Variants in BPIFC observed in about 807,000 individuals in gnomAD.
The protein encoded by BPIFC is BPI fold-containing family C protein.
A neutral mutation model predicts 57.6 loss-of-function variants in BPIFC; 60 were observed. The observed-to-expected ratio is 1.04, with a 90% CI of 0.85 to 1.29. The LOEUF (loss-of-function observed/expected upper bound fraction) is 1.29, where lower values mean the gene tolerates loss of function less well. Ranked by LOEUF, BPIFC falls within the 50% of genes most tolerant of loss-of-function variation. The pLI is 0.00. For missense variants in BPIFC, 581 were observed against 600.5 expected (o/e 0.97, Z 0.34); for synonymous variants, 243 against 224.5 (o/e 1.08, Z -0.74).
In BPIFC at chr22:32,437,986, T is replaced by C. The variant is rs377605532; in HGVS notation, c.656-135A>G. ...ATCAATTCCTGCTTTTCAGAAGTAA[T>C]ACATGTTATCTTTTGAAAACCCAGG... On this transcript the variant is annotated intron_variant, in intron 8 of 16. Coordinates refer to ENST00000300399, the MANE Select transcript of BPIFC (RefSeq NM_174932.3). 4 of 565,082 alleles carry C rather than the reference T, an allele frequency of 7.1e-6. No individual in the cohort carries two copies. In the South Asian group the frequency reaches 8.0e-5, roughly 11 times the overall value. The allele number at this position is 565,082 out of a possible 1,614,324, so 35.0% of individuals were successfully genotyped here. A position where few individuals can be genotyped will look rare whatever the true frequency, so the allele number is the denominator to read the frequency against.
chr22:32,450,133 CACACACACA>C (rs1934853595), intron 4 of BPIFC, among the ~76,000 whole-genome samples: 1 of 55,218 alleles, frequency 1.8e-5, no homozygotes, highest in Non-Finnish European at 3.8e-5. Context: ...CACACACACA[CACACACACA>C]TATATACACA....
intron 13 of BPIFC, among the ~76,000 whole-genome samples, chr22:32,421,096 T>G (rs111586544): frequency 1.3e-5 from 2 of 152,298 alleles, no homozygotes; most frequent in African/African-American, 4.8e-5. Context: ...CCCTGACCCC[T>G]CTCCCAGCTT....
chr22:32,429,509 GTTTT>G (rs780948561), intron 13 of BPIFC, among the ~76,000 whole-genome samples: 1 of 56,622 alleles, frequency 1.8e-5, no homozygotes, highest in Non-Finnish European at 3.3e-5. Flanking sequence ...ACTGGCCTTT[GTTTT>G]TTTTTTTTTT....
At chr22:32,443,290 C>T (rs1006043118) in intron 7 of BPIFC, among the ~76,000 whole-genome samples, 4 of 151,918 alleles carry the variant, frequency 2.6e-5, no homozygotes, top group Non-Finnish European at 1.5e-5. Flanking sequence ...CAGCCTCCTG[C>T]GTAGCTGGGA....
rs879668188 is a variant in BPIFC, at chr22:32,424,600, TCTCCTCCTC to T, written c.1218-5205_1218-5197del. Among the ~76,000 whole-genome samples, 8 of 78,604 alleles carry T rather than the reference TCTCCTCCTC, an allele frequency of 1.0e-4. 3 individuals are homozygous for T. Among genetic ancestry groups the T allele is most frequent in the African/African-American group, 6.6e-4 (8 of 12,066 alleles). The allele number at this position is 78,604 out of a possible 152,430, so 51.6% of individuals were successfully genotyped here. A position where few individuals can be genotyped will look rare whatever the true frequency, so the allele number is the denominator to read the frequency against. ...TTCTTCTTCTTCTTCTTCTTCTTCT[TCTCCTCCTC>T]CTCCTCCTCCTCCTCCTCCTCTTCT... On this transcript the variant is annotated intron_variant, in intron 13 of 16. Coordinates refer to ENST00000300399, the MANE Select transcript of BPIFC (RefSeq NM_174932.3).
At chr22:32,449,769 C>T (rs1934832390) in intron 4 of BPIFC, among the ~76,000 whole-genome samples, 1 of 149,940 alleles carries the variant, frequency 6.7e-6, no homozygotes, top group Non-Finnish European at 1.5e-5. Flanking sequence ...GAGTTTCACT[C>T]TGTCGCCCGG....
chr22:32,446,218 A>T (rs1263451125), intron 5 of BPIFC, among the ~76,000 whole-genome samples: 1 of 152,204 alleles, frequency 6.6e-6, no homozygotes, highest in East Asian at 1.9e-4. Flanking sequence ...AGCTATTGGG[A>T]TATTCTAATT....
In BPIFC at chr22:32,414,328, T is replaced by C; in HGVS notation, c.1499A>G (p.Gln500Arg). The C allele has an allele frequency of 1.2e-6, 2 of 1,613,814 alleles. No homozygotes were observed. Among genetic ancestry groups the C allele is most frequent in the Non-Finnish European group, 1.7e-6 (2 of 1,179,798 alleles). The part of the protein sequence containing the change: ...VWEGLNLISR[Q>R]WRGKSAP ...TCAAGGGGCTGACTTCCCCCTCCAC[T>C]GTCTGCTTATCAGGTTCAGACCTTC... The change falls in exon 17 of 17, where the codon CAG becomes CGG. Residue 500 changes from glutamine (Q) to arginine (R), a missense_variant. By Grantham distance (43) the Gln-to-Arg change is conservative (BLOSUM62 1). Coordinates refer to ENST00000300399, the MANE Select transcript of BPIFC (RefSeq NM_174932.3).
intron 1 of BPIFC, among the ~76,000 whole-genome samples, 177 bp downstream of exon 1, chr22:32,464,197 G>A (rs1230794106): frequency 1.3e-5 from 2 of 152,170 alleles, no homozygotes; most frequent in African/African-American, 2.4e-5. Flanking sequence ...GCCTCCAGGT[G>A]CGCATATGTG....
At chr22:32,442,519 A>G (rs776799010) in intron 8 of BPIFC, 152 bp downstream of exon 8, 1 of 719,464 alleles carries the variant, frequency 1.4e-6, no homozygotes, top group Non-Finnish European at 2.3e-6. Flanking sequence ...CACAAGGCAC[A>G]TCCTCCCAAG....
intron 3 of BPIFC, among the ~76,000 whole-genome samples, chr22:32,455,691 A>G (rs962326405): frequency 3.9e-5 from 6 of 152,208 alleles, no homozygotes; most frequent in Non-Finnish European, 8.8e-5. Flanking sequence ...CTCCGGCAGC[A>G]CAGACCTGAA....
chr22:32,462,404 G>T (rs919465749), intron 1 of BPIFC, among the ~76,000 whole-genome samples: 1 of 151,598 alleles, frequency 6.6e-6, no homozygotes. Flanking sequence ...ACTAAGAAAG[G>T]TTCTACAAAT....
rs780757823 is a variant in BPIFC at position 32,433,725 on chromosome 22, G to A, written c.972C>T (p.Leu324=). ...VQNSQGLGNV[L]SRIAEIYILS... ...TCAAACCCTGAGCACTTACCCGGGA[G>A]AGCACGTTGCCAAGGCCTTGAGAGT... Residue 324 remains leucine, a synonymous_variant, in exon 11 of 17, where the codon CTC becomes CTT. Coordinates refer to ENST00000300399, the MANE Select transcript of BPIFC (RefSeq NM_174932.3). 5.0e-6 allele frequency: 8 copies of A among 1,613,784 alleles called. No homozygotes were observed. Among genetic ancestry groups the A allele is most frequent in the Non-Finnish European group, 6.8e-6 (8 of 1,179,822 alleles).
rs557762355 is a variant in BPIFC, at chr22:32,414,292, C to T, written c.*11G>A. The T allele has an allele frequency of 6.2e-7, 1 of 1,612,270 alleles. No homozygotes were observed. On this transcript the variant is annotated 3_prime_UTR_variant, in exon 17 of 17. Transcript: ENST00000300399. Reference sequence around the variant, plus strand: ...ACCATTTACTTCCTGGGGTGAATTGCAAACCGGCAATCAAGGGGCTGACTT... The same window carrying T: ...ACCATTTACTTCCTGGGGTGAATTGTAAACCGGCAATCAAGGGGCTGACTT...
intron 8 of BPIFC, among the ~76,000 whole-genome samples, chr22:32,441,136 C>G (rs1934554821): frequency 6.6e-6 from 1 of 152,110 alleles, no homozygotes; most frequent in Non-Finnish European, 1.5e-5. Flanking sequence ...CCCCAGCACA[C>G]TTGAGATATT....
chr22:32,424,705 CTCTTCT>C (rs1220505896), intron 13 of BPIFC, among the ~76,000 whole-genome samples: 1 of 48,056 alleles, frequency 2.1e-5, no homozygotes, highest in Non-Finnish European at 3.6e-5. Flanking sequence ...CTTCTTCTTC[CTCTTCT>C]TCTTCCTCTT....
chr22:32,416,389 G>GCTTTTTAATAGTTGAT (rs1933678852), intron 15 of BPIFC, among the ~76,000 whole-genome samples: 2 of 152,078 alleles, frequency 1.3e-5, no homozygotes, highest in African/African-American at 4.8e-5. Flanking sequence ...GGCATGGACA[G>GCTTTTTAATAGTTGAT]CTTTTTAATA....
In BPIFC at chr22:32,416,224, T is replaced by G. The variant is rs369266415; in HGVS notation, c.1325-233A>C. On this transcript the variant is annotated intron_variant, in intron 15 of 16. Coordinates refer to ENST00000300399, the MANE Select transcript of BPIFC (RefSeq NM_174932.3). ...CCTCCCGAGTAGCTGAGATTACAGA[T>G]GCCCACCACCATGCCTGGCTAAGTT... 2.4e-4 allele frequency among the ~76,000 whole-genome samples: 37 copies of G among 152,082 alleles called. No individual in the cohort carries two copies. In the East Asian group the frequency reaches 2.5e-3, roughly 10 times the overall value.
At chr22:32,414,575 G>T in intron 16 of BPIFC, 150 bp from the exon 17 acceptor site, 1 of 971,952 alleles carries the variant, frequency 1.0e-6, no homozygotes, top group Non-Finnish European at 1.5e-6. Context: ...GTGTGGTGGT[G>T]CGATCTTGGC....
Sources: gnomAD v4.1 joint callset for allele counts (sites outside exome capture counted in the v4.1 genomes callset) on GRCh38, gnomAD v4.1.1 for gene constraint, MANE v1.5 for transcripts, NCBI Gene and HGNC (gene_info 2026-07-23, HGNC 2026-07-21) for gene names.